USP35: variants seen among roughly 807,000 people sequenced by gnomAD.
USP35 encodes the protein ubiquitin carboxyl-terminal hydrolase 35.
In USP35, 69 loss-of-function variants were observed where a neutral mutation model predicts 83.8. The ratio of observed to expected loss-of-function variants is 0.82; its 90% CI spans 0.68 to 1.01. The LOEUF is 1.01. USP35 is among the 50% of genes least tolerant of loss of function. USP35 has a pLI of 0.00. For missense variants in USP35, 1,503 were observed against 1,362.5 expected, an observed-to-expected ratio of 1.10 and a Z score of -1.62; for synonymous variants, 714 against 589.5, an observed-to-expected ratio of 1.21 and a Z score of -3.06.
At chr11:78,226,486 C>G in the USP35 span, 1 of 1,613,762 alleles carries the variant, frequency 6.2e-7, no homozygotes, top group Non-Finnish European at 8.5e-7. Flanking sequence ...CGGCTGTTGT[C>G]CATTGCAGGG....
the USP35 span, chr11:78,220,416 G>C: frequency 6.3e-7 from 1 of 1,590,264 alleles, no homozygotes; most frequent in South Asian, 1.1e-5. Flanking sequence ...CGTGCCACTG[G>C]GAACGGGAGA....
At chr11:78,201,990 CTTG>C (rs1401085459) in intron 6 of USP35, among the ~76,000 whole-genome samples, 3 of 152,266 alleles carry the variant, frequency 2.0e-5, no homozygotes, top group Admixed American at 6.5e-5. Flanking sequence ...GCTAGAAATG[CTTG>C]TTAAAATATA....
At chr11:78,212,462 A>G (rs1863823413) in intron 10 of USP35, among the ~76,000 whole-genome samples, 1 of 151,556 alleles carries the variant, frequency 6.6e-6, no homozygotes, top group African/African-American at 2.4e-5. Flanking sequence ...AGTTTTTTCT[A>G]ATTCTGTGAA....
Position 78,200,766 on chromosome 11 carries a change from G to C in USP35, c.1155G>C (p.Pro385=). The C allele has an allele frequency of 6.2e-7, 1 of 1,614,050 alleles. No homozygotes were observed. The highest frequency in any genetic ancestry group is 2.2e-5 in the East Asian group (1 of 44,880). Residue 385 remains proline, a synonymous_variant, in exon 6 of 11, where the codon CCG becomes CCC. Transcript: ENST00000529308. ...ELVHCMVFRF[P]GFPDLYEPVM... ...TCCACTGCATGGTGTTCCGGTTCCC[G>C]GGCTTCCCGGATCTGTATGAGCCTG...
the USP35 span, chr11:78,221,705 C>A: frequency 3.1e-6 from 5 of 1,613,278 alleles, no homozygotes; most frequent in African/African-American, 6.7e-5. Flanking sequence ...TTCGCTGTCT[C>A]CTGAGTCTGT....
chr11:78,203,021 C>G (rs1172560034), intron 6 of USP35, among the ~76,000 whole-genome samples: 1 of 152,062 alleles, frequency 6.6e-6, no homozygotes, highest in Non-Finnish European at 1.5e-5. Context: ...GACCCTGCCC[C>G]GGGCACTGAG....
At chr11:78,209,361 TG>T (rs1190175922) in intron 9 of USP35, 86 bp from the exon 10 acceptor site, 1 of 1,378,948 alleles carries the variant, frequency 7.3e-7, no homozygotes, top group African/African-American at 1.5e-5. Flanking sequence ...GTGTGGCTGT[TG>T]GGGAAGGTAA....
chr11:78,205,940 C>T lies in USP35; in HGVS notation c.1296C>T (p.Leu432=). ...KSELAGFYPR[L]MAKSDTGKIG... Reference sequence around the variant, plus strand: ...AGCTGGCGGGTTTCTATCCCCGGCTCATGGCCAAGTCAGACACGGGCAAGA... The same window carrying T: ...AGCTGGCGGGTTTCTATCCCCGGCTTATGGCCAAGTCAGACACGGGCAAGA... The change falls in exon 7 of 11, where the codon CTC becomes CTT. Residue 432 remains leucine, a synonymous_variant. Transcript: ENST00000529308. The T allele has an allele frequency of 6.2e-7, 1 of 1,614,256 alleles. No homozygotes were observed.
At chr11:78,227,193 G>A in the USP35 span, 891 of 639,346 alleles carry the variant, frequency 1.4e-3, 4 homozygotes, top group African/African-American at 0.015. Flanking sequence ...AGGTTGTTCA[G>A]ACTCTAGTAT....
chr11:78,195,340 T>C (rs2450132), intron 1 of USP35, among the ~76,000 whole-genome samples: 2 of 151,838 alleles, frequency 1.3e-5, no homozygotes, highest in African/African-American at 4.9e-5. Context: ...AGCATGGTGG[T>C]CGTGGGGGCC....
intron 10 of USP35, among the ~76,000 whole-genome samples, chr11:78,211,616 T>C (rs930765181): frequency 1.3e-5 from 2 of 152,218 alleles, no homozygotes; most frequent in African/African-American, 4.8e-5. Context: ...CCAGCATATG[T>C]TGTTTCCTGA....
chr11:78,198,179 C>A, intron 3 of USP35, 111 bp downstream of exon 3: 1 of 1,484,712 alleles, frequency 6.7e-7, no homozygotes, highest in Non-Finnish European at 9.2e-7. Flanking sequence ...TCAGAGGGCC[C>A]AGGCCCTCAT....
intron 3 of USP35, among the ~76,000 whole-genome samples, chr11:78,198,474 C>A (rs1160248375): frequency 6.6e-6 from 1 of 152,224 alleles, no homozygotes; most frequent in East Asian, 1.9e-4. Flanking sequence ...TTTCAGCTCA[C>A]AGAGTCCTTG....
intron 1 of USP35, among the ~76,000 whole-genome samples, chr11:78,191,585 T>A (rs1280922068): frequency 6.6e-6 from 1 of 152,120 alleles, no homozygotes; most frequent in Non-Finnish European, 1.5e-5. Context: ...ATGCCTCTGT[T>A]GGAGGATGGA....
At chr11:78,220,569 A>G in the USP35 span, 1 of 721,946 alleles carries the variant, frequency 1.4e-6, no homozygotes, top group Non-Finnish European at 2.2e-6. Flanking sequence ...GCACCATGCT[A>G]AGGACTTTTC....
In USP35 at chr11:78,206,115, G is replaced by A. The variant is rs114445567; in HGVS notation, c.1391+80G>A. 2,306 of 1,522,464 alleles carry A rather than the reference G, an allele frequency of 1.5e-3. 32 individuals carry two copies. The African/African-American group carries it at 0.028, about 18-fold the overall frequency. The allele number at this position is 1,522,464 out of a possible 1,614,324, so 94.3% of individuals were successfully genotyped here. A position where few individuals can be genotyped will look rare whatever the true frequency, so the allele number is the denominator to read the frequency against. The stretch of plus-strand genomic sequence containing the variant: ...CTGATGACAGGTGGAAAGGTGTCCG[G>A]GGTGGGGGTTGGAGAGGGTGGGCCT... On this transcript the variant is annotated intron_variant, in intron 7 of 10. Coordinates refer to ENST00000529308, the MANE Select transcript of USP35 (RefSeq NM_020798.4).
chr11:78,225,292 A>C, the USP35 span: 2 of 805,320 alleles, frequency 2.5e-6, no homozygotes, highest in African/African-American at 3.4e-5. Context: ...TCAAGGTCTT[A>C]CTGATACTCC....
chr11:78,191,841 CTTTTTTT>C (rs1215811595), intron 1 of USP35, among the ~76,000 whole-genome samples: 1 of 133,466 alleles, frequency 7.5e-6, no homozygotes, highest in Non-Finnish European at 1.6e-5. Flanking sequence ...CGGCCCTCAT[CTTTTTTT>C]TTTTTTTTTT....
chr11:78,213,803 T>A lies in USP35; in HGVS notation c.3047T>A (p.Leu1016Gln). ...GGCAATGGTGGTGACTTCCACAGAC[T>A]GGTCTTCTAATGTGAACCTGCTGCC... The part of the protein sequence containing the change: ...AGGNGGDFHR[L>Q]VF The change falls in exon 11 of 11, where the codon CTG becomes CAG. Residue 1016 changes from leucine (L) to glutamine (Q), a missense_variant. Transcript: ENST00000529308. The A allele has an allele frequency of 6.4e-7, 1 of 1,554,514 alleles. No homozygotes were observed. The highest frequency in any genetic ancestry group is 1.4e-5 in the African/African-American group (1 of 70,692).
Sources: gnomAD v4.1 joint callset for allele counts (sites outside exome capture counted in the v4.1 genomes callset) on GRCh38, gnomAD v4.1.1 for gene constraint, MANE v1.5 for transcripts, NCBI Gene and HGNC (gene_info 2026-07-23, HGNC 2026-07-21) for gene names.